Variants in CHCHD3 observed in about 807,000 individuals in gnomAD.
The protein encoded by CHCHD3 is coiled-coil-helix-coiled-coil-helix domain containing 3, also known as MICOS complex subunit MIC19.
In CHCHD3, 20 loss-of-function variants were observed where a neutral mutation model predicts 38.2. That is an observed-to-expected ratio of 0.52 (90% CI 0.37 to 0.76). The LOEUF is 0.76. Ranked by LOEUF, CHCHD3 falls within the 30% of genes least tolerant of loss-of-function variation. The pLI is 0.00. For missense variants in CHCHD3, 245 were observed against 279.2 expected, an observed-to-expected ratio of 0.88 and a Z score of 0.87; for synonymous variants, 82 against 100.0, an observed-to-expected ratio of 0.82 and a Z score of 1.07.
rs545851391 is a variant in CHCHD3 at position 132,823,948 on chromosome 7, C to T, written c.524+14451G>A. Among the ~76,000 whole-genome samples the T allele has an allele frequency of 5.3e-5, 8 of 152,310 alleles. No homozygotes were observed. In the South Asian group the frequency reaches 1.4e-3, roughly 28 times the overall value. On this transcript the variant is annotated intron_variant, in intron 6 of 7. Transcript: ENST00000262570. The stretch of plus-strand genomic sequence containing the variant: ...CCTAATGCCCTAGGACTTCCCCAGG[C>T]AACATCCTATGAACCCAATCTTTCC...
At chr7:132,845,004 G>T (rs948917398) in intron 5 of CHCHD3, 1 of 152,168 alleles carries the variant, frequency 6.6e-6, no homozygotes, top group Admixed American at 6.5e-5. Context: ...TTTTTAATAC[G>T]TTTCCTGTAA....
intron 6 of CHCHD3, among the ~76,000 whole-genome samples, chr7:132,834,242 TC>T (rs1449195709): frequency 6.6e-6 from 1 of 152,216 alleles, no homozygotes; most frequent in Non-Finnish European, 1.5e-5. Context: ...CTCTGTGCCT[TC>T]AAAGATGGTA....
intron 4 of CHCHD3, among the ~76,000 whole-genome samples, chr7:132,895,096 G>A (rs946992988): frequency 3.9e-5 from 6 of 152,194 alleles, no homozygotes; most frequent in Non-Finnish European, 7.3e-5. Flanking sequence ...TCAGTAAAAT[G>A]AGAGCTCTCA....
At chr7:133,047,655 C>T (rs571436054) in intron 2 of CHCHD3, among the ~76,000 whole-genome samples, 37 of 152,308 alleles carry the variant, frequency 2.4e-4, no homozygotes, top group African/African-American at 8.9e-4. Context: ...GAATTGGCTA[C>T]ATTATGAAAC....
At chr7:132,850,241 T>A (rs1350592889) in intron 5 of CHCHD3, among the ~76,000 whole-genome samples, 3 of 152,178 alleles carry the variant, frequency 2.0e-5, no homozygotes, top group African/African-American at 7.2e-5. Flanking sequence ...AATCTTACCA[T>A]CTCTGAGAAG....
intron 4 of CHCHD3, among the ~76,000 whole-genome samples, chr7:132,938,435 C>G (rs538159205): frequency 6.6e-6 from 1 of 152,152 alleles, no homozygotes; most frequent in African/African-American, 2.4e-5. Flanking sequence ...GGGTAAAAAC[C>G]TTAAGTAACT....
rs1327246311 is a variant in CHCHD3, at chr7:133,070,248, A to G, written c.82-19T>C. 2 of 1,599,566 alleles carry G rather than the reference A, an allele frequency of 1.3e-6. No homozygotes were observed. Among genetic ancestry groups the G allele is most frequent in the Admixed American group, 3.4e-5 (2 of 59,096 alleles). ...CCGAAAGCTGGAAAAGCAACATCAA[A>G]ATAAAATCAATTATAAAACAGCAAG... On this transcript the variant is annotated intron_variant, in intron 1 of 7. Coordinates refer to ENST00000262570, the MANE Select transcript of CHCHD3 (RefSeq NM_017812.4).
intron 4 of CHCHD3, among the ~76,000 whole-genome samples, chr7:132,964,567 G>A (rs946122063): frequency 6.6e-6 from 1 of 152,162 alleles, no homozygotes; most frequent in African/African-American, 2.4e-5. Context: ...AGACAACAGG[G>A]TGAGACTCAG....
intron 4 of CHCHD3, among the ~76,000 whole-genome samples, chr7:132,908,738 C>G (rs1203506637): frequency 6.6e-6 from 1 of 152,116 alleles, no homozygotes; most frequent in Non-Finnish European, 1.5e-5. Context: ...AGGAATAGAT[C>G]CCTGAACTCA....
At chr7:132,955,403 A>G (rs1018860187) in intron 4 of CHCHD3, among the ~76,000 whole-genome samples, 5 of 152,138 alleles carry the variant, frequency 3.3e-5, no homozygotes, top group African/African-American at 1.2e-4. Flanking sequence ...AGTACTTGTT[A>G]GTTTTTTTCA....
intron 4 of CHCHD3, among the ~76,000 whole-genome samples, chr7:132,919,268 C>T (rs1432500904): frequency 2.6e-5 from 4 of 151,928 alleles, no homozygotes; most frequent in African/African-American, 9.7e-5. Flanking sequence ...GCCAGCATGC[C>T]TGGCTAATTT....
chr7:132,840,661 G>A (rs181185783), intron 5 of CHCHD3, among the ~76,000 whole-genome samples: 1 of 152,270 alleles, frequency 6.6e-6, no homozygotes, highest in East Asian at 1.9e-4. Context: ...TCTGTTAAAT[G>A]TTTTCACAGA....
At chr7:132,989,846 C>T (rs183375289) in intron 3 of CHCHD3, among the ~76,000 whole-genome samples, 3 of 152,208 alleles carry the variant, frequency 2.0e-5, no homozygotes, top group Admixed American at 1.3e-4. Flanking sequence ...TTAGAGGCAT[C>T]TTAAACCGAG....
At chr7:132,888,737 A>C (rs1027678890) in intron 4 of CHCHD3, among the ~76,000 whole-genome samples, 3 of 152,064 alleles carry the variant, frequency 2.0e-5, no homozygotes. Flanking sequence ...ATAATCAAAC[A>C]GTAAGAGTCC....
At chr7:132,839,609 C>CT (rs1674256243) in intron 5 of CHCHD3, among the ~76,000 whole-genome samples, 1 of 152,166 alleles carries the variant, frequency 6.6e-6, no homozygotes, top group South Asian at 2.1e-4. Flanking sequence ...AAATGCATGG[C>CT]TTGCAATCAT....
intron 4 of CHCHD3, among the ~76,000 whole-genome samples, chr7:132,951,725 A>T (rs1811040638): frequency 6.6e-6 from 1 of 152,236 alleles, no homozygotes; most frequent in Admixed American, 6.5e-5. Context: ...GAAATATAGA[A>T]TTTGCAGTTT....
At chr7:133,013,054 C>T (rs1350437682) in intron 3 of CHCHD3, among the ~76,000 whole-genome samples, 3 of 151,590 alleles carry the variant, frequency 2.0e-5, no homozygotes, top group Non-Finnish European at 4.4e-5. Context: ...GATGTGGTGT[C>T]GGGTGCCTGT....
At chr7:132,901,075 C>A (rs1809653492) in intron 4 of CHCHD3, among the ~76,000 whole-genome samples, 1 of 152,186 alleles carries the variant, frequency 6.6e-6, no homozygotes, top group Admixed American at 6.5e-5. Context: ...CTAAAGAAAT[C>A]TTCCACAATG....
In CHCHD3 at chr7:133,070,136, C is replaced by G. The variant is rs1362752949; in HGVS notation, c.169+6G>C. 1.3e-6 allele frequency: 2 copies of G among 1,599,998 alleles called. No homozygotes were observed. Among genetic ancestry groups the G allele is most frequent in the Admixed American group, 1.8e-5 (1 of 56,718 alleles). ...TAAAAACCCTAAAATTAAAATTCAG[C>G]AATACCTGAGGCACCATAAGCACCA... On this transcript the variant is annotated splice_donor_region_variant and intron_variant, in intron 2 of 7. Transcript: ENST00000262570.
Sources: allele counts gnomAD v4.1 joint callset (sites outside exome capture counted in the v4.1 genomes callset), GRCh38; gene constraint gnomAD v4.1.1; transcripts MANE v1.5; gene names NCBI Gene and HGNC (gene_info 2026-07-23, HGNC 2026-07-21).